The following THSD7B variants were observed in gnomAD, a reference collection of about 807,000 sequenced individuals.
THSD7B encodes the protein thrombospondin type 1 domain containing 7B.
THSD7B carries 138 observed loss-of-function variants against 213.6 expected under a neutral mutation model. The ratio of observed to expected loss-of-function variants is 0.65; its 90% CI spans 0.56 to 0.74. The LOEUF is 0.74. Among genes scored for constraint, THSD7B ranks in the 30% least tolerant of loss-of-function variants. THSD7B has a pLI of 0.00. For missense variants in THSD7B, 1,931 were observed against 1,991.5 expected (o/e 0.97, Z 0.58); for synonymous variants, 742 against 687.0 (o/e 1.08, Z -1.25).
chr2:137,449,585 T>C (rs1213755325), intron 14 of THSD7B, among the ~76,000 whole-genome samples: 3 of 152,210 alleles, frequency 2.0e-5, no homozygotes, highest in Non-Finnish European at 4.4e-5. Flanking sequence ...TTTATCCCCA[T>C]GCACCTGTGG....
At chr2:137,339,270 G>A (rs1432147232) in intron 12 of THSD7B, among the ~76,000 whole-genome samples, 1 of 37,092 alleles carries the variant, frequency 2.7e-5, no homozygotes, top group East Asian at 1.0e-3. Context: ...AGCGCATCCA[G>A]AAATCACTGG....
chr2:136,879,304 G>C (rs1227538088), intron 1 of THSD7B, among the ~76,000 whole-genome samples: 2 of 152,216 alleles, frequency 1.3e-5, no homozygotes, highest in Non-Finnish European at 2.9e-5. Context: ...GTACCATGCT[G>C]TTTTGGTTAC....
chr2:137,247,233 A>G (rs1436501435), intron 10 of THSD7B, among the ~76,000 whole-genome samples: 1 of 152,352 alleles, frequency 6.6e-6, no homozygotes, highest in Non-Finnish European at 1.5e-5. Context: ...GCCTTGCTGC[A>G]TATTTTCAAC....
intron 15 of THSD7B, among the ~76,000 whole-genome samples, chr2:137,457,588 G>T (rs1687787489): frequency 6.6e-6 from 1 of 152,188 alleles, no homozygotes; most frequent in Non-Finnish European, 1.5e-5. Context: ...CAAATCATCT[G>T]TAATTTTGCA....
intron 1 of THSD7B, among the ~76,000 whole-genome samples, chr2:136,878,989 C>T (rs191683761): frequency 2.5e-4 from 38 of 152,216 alleles, no homozygotes; most frequent in Non-Finnish European, 5.3e-4. Context: ...GAAGTCCTTG[C>T]CCATGCCTAT....
At chr2:136,941,247 G>A (rs903396574) in intron 2 of THSD7B, among the ~76,000 whole-genome samples, 1 of 152,104 alleles carries the variant, frequency 6.6e-6, no homozygotes, top group African/African-American at 2.4e-5. Flanking sequence ...TCTTAATCCA[G>A]TCTATCACTG....
chr2:137,124,926 C>T (rs1360386513), intron 5 of THSD7B, among the ~76,000 whole-genome samples: 1 of 151,808 alleles, frequency 6.6e-6, no homozygotes, highest in Non-Finnish European at 1.5e-5. Flanking sequence ...AAACTGTAGT[C>T]ACCATGAAGC....
At chr2:137,189,420 A>G (rs4954478) in intron 7 of THSD7B, among the ~76,000 whole-genome samples, 145,391 of 152,194 alleles carry the variant, frequency 0.96, 69,517 homozygotes, top group East Asian at 1. Flanking sequence ...ATCCATTATG[A>G]TGTTCGCTCT....
intron 2 of THSD7B, among the ~76,000 whole-genome samples, chr2:136,925,929 G>C (rs1684514660): frequency 6.6e-6 from 1 of 151,980 alleles, no homozygotes; most frequent in Non-Finnish European, 1.5e-5. Context: ...TACTGATATT[G>C]TTAGTAAAGG....
intron 15 of THSD7B, among the ~76,000 whole-genome samples, chr2:137,492,611 A>G (rs183098733): frequency 1.3e-5 from 2 of 152,330 alleles, no homozygotes; most frequent in African/African-American, 2.4e-5. Flanking sequence ...TAGAATCAAG[A>G]AGACTTGTGT....
At chr2:137,244,540 C>T (rs140631160) in intron 10 of THSD7B, among the ~76,000 whole-genome samples, 2,074 of 152,212 alleles carry the variant, frequency 0.014, 41 homozygotes, top group African/African-American at 0.047. Flanking sequence ...GTAAAGGAAA[C>T]GGAATCACAG....
chr2:137,492,998 A>G (rs1192817712), intron 15 of THSD7B, among the ~76,000 whole-genome samples: 7 of 151,502 alleles, frequency 4.6e-5, no homozygotes, highest in East Asian at 2.0e-4. Flanking sequence ...GTGGGTGCCT[A>G]TAATCCCAGC....
At chr2:137,409,494 T>A (rs1435539427) in intron 13 of THSD7B, among the ~76,000 whole-genome samples, 1 of 152,056 alleles carries the variant, frequency 6.6e-6, no homozygotes, top group Non-Finnish European at 1.5e-5. Flanking sequence ...AGAGAATGGG[T>A]GTGATTGGTT....
In THSD7B at chr2:137,538,845, G is replaced by T. The variant is rs549262603; in HGVS notation, c.3139-24376G>T. ...TGAAAAGATTTCTGACACGGAATCT[G>T]CCCTGTACTTTCAGAATGTCTTAAA... On this transcript the variant is annotated intron_variant, in intron 15 of 27. Transcript: ENST00000409968. Among the ~76,000 whole-genome samples the T allele has an allele frequency of 1.6e-4, 25 of 151,738 alleles. No homozygotes were observed. In the South Asian group the frequency reaches 5.2e-3, roughly 32 times the overall value.
intron 12 of THSD7B, among the ~76,000 whole-genome samples, chr2:137,387,317 A>G (rs1685919045): frequency 6.6e-6 from 1 of 152,162 alleles, no homozygotes; most frequent in East Asian, 1.9e-4. Context: ...GTCATTCCCT[A>G]ACAAGGATAC....
At chr2:137,328,236 A>G (rs529750059) in intron 12 of THSD7B, among the ~76,000 whole-genome samples, 18 of 152,334 alleles carry the variant, frequency 1.2e-4, no homozygotes, top group African/African-American at 4.3e-4. Context: ...GCTTAATCCT[A>G]TAAGAGTTTC....
chr2:137,446,076 G>A (rs1687530769), intron 14 of THSD7B, among the ~76,000 whole-genome samples: 1 of 151,728 alleles, frequency 6.6e-6, no homozygotes, highest in African/African-American at 2.4e-5. Flanking sequence ...TTCGAGCACA[G>A]TGTCAGTAGA....
chr2:137,499,702 T>C (rs1057434599), intron 15 of THSD7B, among the ~76,000 whole-genome samples: 8 of 152,312 alleles, frequency 5.3e-5, no homozygotes, highest in East Asian at 3.9e-4. Flanking sequence ...GCTCCTTCAA[T>C]TGGCTTCGTG....
chr2:136,989,077 C>A (rs1685717955), intron 2 of THSD7B, among the ~76,000 whole-genome samples: 1 of 152,174 alleles, frequency 6.6e-6, no homozygotes, highest in Non-Finnish European at 1.5e-5. Context: ...AGGAGAAAAT[C>A]TCTAGGAGCA....
Sources: gnomAD v4.1 joint callset for allele counts (sites outside exome capture counted in the v4.1 genomes callset) on GRCh38, gnomAD v4.1.1 for gene constraint, MANE v1.5 for transcripts, NCBI Gene and HGNC (gene_info 2026-07-23, HGNC 2026-07-21) for gene names.